TP63: variants seen among roughly 807,000 people sequenced by gnomAD.
The protein encoded by TP63 is tumor protein 63.
In TP63, 17 loss-of-function variants were observed where a neutral mutation model predicts 82.8. The ratio of observed to expected loss-of-function variants is 0.21; its 90% CI spans 0.14 to 0.31. The LOEUF is 0.31. Ranked by LOEUF, TP63 falls within the 10% of genes least tolerant of loss-of-function variation. TP63 has a pLI of 1.00. For missense variants in TP63, 648 were observed against 895.3 expected (o/e 0.72, Z 3.52); for synonymous variants, 330 against 321.7 (o/e 1.03, Z -0.28).
At chr3:189,862,330 G>A (rs1433098657) in intron 4 of TP63, among the ~76,000 whole-genome samples, 1 of 151,900 alleles carries the variant, frequency 6.6e-6, no homozygotes, top group Non-Finnish European at 1.5e-5. Flanking sequence ...CATTAATTAA[G>A]CTTAAAAATT....
intron 3 of TP63, among the ~76,000 whole-genome samples, chr3:189,774,640 C>T (rs564786277): frequency 6.6e-6 from 1 of 152,116 alleles, no homozygotes. Context: ...ATTTGACAAC[C>T]CTTACAGTTA....
At chr3:189,640,869 A>G (rs1276371171) in intron 1 of TP63, among the ~76,000 whole-genome samples, 3 of 152,174 alleles carry the variant, frequency 2.0e-5, no homozygotes, top group African/African-American at 7.2e-5. Flanking sequence ...TTTGCTTTGC[A>G]AAAGTAAAAT....
chr3:189,782,011 A>G (rs2092590347), intron 3 of TP63, among the ~76,000 whole-genome samples: 1 of 152,192 alleles, frequency 6.6e-6, no homozygotes, highest in Non-Finnish European at 1.5e-5. Flanking sequence ...AACCTGAGGC[A>G]TGGGCAGGGG....
chr3:189,770,564 C>CA (rs11417534), intron 3 of TP63, among the ~76,000 whole-genome samples: 46,608 of 142,696 alleles, frequency 0.33, 8,002 homozygotes, highest in African/African-American at 0.48. Flanking sequence ...GACTCCGTCT[C>CA]AAAAAAAAAA....
the TP63 span, among the ~76,000 whole-genome samples, chr3:189,600,084 A>G: frequency 1.3e-5 from 2 of 152,142 alleles, no homozygotes; most frequent in East Asian, 1.9e-4. Flanking sequence ...AGAGTCAAAG[A>G]TCTTGTCTGA....
chr3:189,878,677 C>A (rs1481756822), intron 10 of TP63, among the ~76,000 whole-genome samples: 2 of 150,980 alleles, frequency 1.3e-5, no homozygotes, highest in Non-Finnish European at 2.9e-5. Context: ...TCCCCCCGAC[C>A]TTGGCCTCCC....
chr3:189,866,496 A>C (rs972969661), intron 5 of TP63, among the ~76,000 whole-genome samples, 186 bp from the exon 6 acceptor site: 2 of 152,254 alleles, frequency 1.3e-5, no homozygotes, highest in Non-Finnish European at 2.9e-5. Flanking sequence ...TGTTGCTATA[A>C]AGGTTATGAC....
At chr3:189,775,232 A>G (rs1484827496) in intron 3 of TP63, among the ~76,000 whole-genome samples, 1 of 151,570 alleles carries the variant, frequency 6.6e-6, no homozygotes, top group Admixed American at 6.6e-5. Context: ...AAAAAAAAAA[A>G]AAAAAAAAAA....
intron 3 of TP63, among the ~76,000 whole-genome samples, chr3:189,766,193 A>G (rs1474619661): frequency 6.6e-6 from 1 of 152,154 alleles, no homozygotes; most frequent in Non-Finnish European, 1.5e-5. Context: ...GCAAGACCTC[A>G]TCTAAAAAAA....
intron 1 of TP63, among the ~76,000 whole-genome samples, chr3:189,664,406 G>A (rs1354531698): frequency 1.3e-5 from 2 of 152,070 alleles, no homozygotes; most frequent in Non-Finnish European, 2.9e-5. Flanking sequence ...GCTAGAGATG[G>A]TCGGTCTTTG....
intron 1 of TP63, among the ~76,000 whole-genome samples, chr3:189,632,500 T>C (rs1377853198): frequency 1.3e-5 from 2 of 152,144 alleles, no homozygotes; most frequent in African/African-American, 4.8e-5. Flanking sequence ...TAACGTGATT[T>C]GCTACAACGT....
chr3:189,614,015 C>T, the TP63 span, among the ~76,000 whole-genome samples: 51,326 of 151,970 alleles, frequency 0.34, 9,208 homozygotes, highest in Non-Finnish European at 0.39. Flanking sequence ...GGACTGTGGA[C>T]TTTTTGGTTA....
chr3:189,720,061 C>G, intron 1 of TP63, among the ~76,000 whole-genome samples: 1 of 152,168 alleles, frequency 6.6e-6, no homozygotes, highest in South Asian at 2.1e-4. Flanking sequence ...ATTCATTTTT[C>G]CTCTGCCAAA....
intron 10 of TP63, among the ~76,000 whole-genome samples, chr3:189,879,697 T>TACC (rs1379950196): frequency 1.3e-5 from 2 of 152,226 alleles, no homozygotes; most frequent in African/African-American, 4.8e-5. Context: ...TACCTTGATC[T>TACC]ACCTTATCTC....
rs1468604509 is a variant in TP63 at position 189,645,560 on chromosome 3, G to T, written c.62+13983G>T. 1.9e-5 allele frequency: 3 copies of T among 156,562 alleles called. No homozygotes were observed. The Admixed American group carries it at 1.9e-4, about 10-fold the overall frequency. 9.7% of individuals were successfully genotyped at this position (156,562 alleles called of 1,614,324 possible). A position where few individuals can be genotyped will look rare whatever the true frequency, so the allele number is the denominator to read the frequency against. ...TAGGGTACATGTGCACAACGTGCAG[G>T]TTTGTTACATATGTATACATGTGAC... On this transcript the variant is annotated intron_variant, in intron 1 of 13. Transcript: ENST00000264731.
At chr3:189,702,399 C>G (rs1717881763) in intron 1 of TP63, among the ~76,000 whole-genome samples, 1 of 152,188 alleles carries the variant, frequency 6.6e-6, no homozygotes, top group Non-Finnish European at 1.5e-5. Flanking sequence ...TTTTTCCTTG[C>G]TGTCGTAGAT....
intron 4 of TP63, among the ~76,000 whole-genome samples, chr3:189,852,890 TC>T (rs1407234154): frequency 6.6e-6 from 1 of 152,134 alleles, no homozygotes; most frequent in African/African-American, 2.4e-5. Context: ...ACAGTTAACA[TC>T]CCCTTGCTTT....
At chr3:189,873,144 C>G in intron 10 of TP63, 149 bp downstream of exon 10, 1 of 1,142,904 alleles carries the variant, frequency 8.7e-7, no homozygotes, top group African/African-American at 1.5e-5. Context: ...AACCCTCTTT[C>G]AGTTGCAACC....
At chr3:189,880,156 C>A in intron 10 of TP63, 9 of 1,613,772 alleles carry the variant, frequency 5.6e-6, no homozygotes, top group Non-Finnish European at 7.6e-6. Context: ...TCCAAGCCCC[C>A]AAACCGATCA....
Sources: gnomAD v4.1 joint callset for allele counts (sites outside exome capture counted in the v4.1 genomes callset) on GRCh38, gnomAD v4.1.1 for gene constraint, MANE v1.5 for transcripts, NCBI Gene and HGNC (gene_info 2026-07-23, HGNC 2026-07-21) for gene names.